The following MIX23 variants were observed in gnomAD, a reference collection of about 807,000 sequenced individuals.
MIX23 encodes the protein protein MIX23.
Under a neutral mutation model 21.6 loss-of-function variants are expected in MIX23, and 13 were observed. The ratio of observed to expected loss-of-function variants is 0.60; its 90% CI spans 0.39 to 0.96. The LOEUF is 0.96. Among genes scored for constraint, MIX23 ranks in the 40% least tolerant of loss-of-function variants. The probability of loss-of-function intolerance (pLI) is 0.00; values close to 1 mark genes in which losing one functional copy is unlikely to be tolerated. For missense variants in MIX23, 144 were observed against 171.2 expected, an observed-to-expected ratio of 0.84 and a Z score of 0.89; for synonymous variants, 59 against 58.0, an observed-to-expected ratio of 1.02 and a Z score of -0.08.
chr3:122,382,553 T>C (rs532325097), intron 1 of MIX23, among the ~76,000 whole-genome samples: 1 of 152,234 alleles, frequency 6.6e-6, no homozygotes, highest in African/African-American at 2.4e-5. Context: ...ATAACTTTAA[T>C]GGCAACTTGG....
intron 2 of MIX23, 48 bp downstream of exon 2, chr3:122,371,627 T>C: frequency 6.3e-7 from 1 of 1,598,688 alleles, no homozygotes; most frequent in Non-Finnish European, 8.6e-7. Context: ...TTATTCAGCC[T>C]GCAAAGAAAG....
chr3:122,359,862 TCTC>T lies in MIX23; in HGVS notation c.*4_*6del. 1.3e-6 allele frequency: 1 copy of T among 745,056 alleles called. No individual in the cohort carries two copies. Among genetic ancestry groups the T allele is most frequent in the East Asian group, 4.6e-5 (1 of 21,536 alleles). 46.2% of individuals were successfully genotyped at this position (745,056 alleles called of 1,614,324 possible). ...AAAAAAAAAAAAAAAAAAAAAAGAA[TCTC>T]TCTTTATTCATTCTTTGGAGGCTTG... On this transcript the variant is annotated 3_prime_UTR_variant, in exon 5 of 5. Coordinates refer to ENST00000291458, the MANE Select transcript of MIX23 (RefSeq NM_001017928.4).
At position 122,368,115 on chromosome 3, in the gene MIX23, T is replaced by C; in HGVS notation, c.324+61A>G. The C allele has an allele frequency of 3.9e-6, 6 of 1,533,430 alleles. No homozygotes were observed. In the Admixed American group the frequency reaches 1.1e-4, roughly 28 times the overall value. The allele number at this position is 1,533,430 out of a possible 1,614,324, so 95.0% of individuals were successfully genotyped here. ...GCCAAAATTTTCATATTAAAAATCTTACTTTGAAGGCTACAATTGGAAAAA... is the reference window on the plus strand; with the variant it reads ...GCCAAAATTTTCATATTAAAAATCTCACTTTGAAGGCTACAATTGGAAAAA... On this transcript the variant is annotated intron_variant, in intron 3 of 4. Transcript: ENST00000291458.
At chr3:122,362,851 G>C in intron 4 of MIX23, 117 bp downstream of exon 4, 1 of 524,186 alleles carries the variant, frequency 1.9e-6, no homozygotes. Flanking sequence ...AAATGTAAAC[G>C]AGTGATCTCT....
intron 2 of MIX23, among the ~76,000 whole-genome samples, chr3:122,370,692 T>C (rs766396737): frequency 6.6e-6 from 1 of 152,078 alleles, no homozygotes; most frequent in Non-Finnish European, 1.5e-5. Context: ...TGACCATAAA[T>C]TCTAGTTCTT....
At chr3:122,362,854 T>A in intron 4 of MIX23, 114 bp downstream of exon 4, 2 of 491,714 alleles carry the variant, frequency 4.1e-6, no homozygotes, top group Non-Finnish European at 7.0e-6. Flanking sequence ...TGTAAACGAG[T>A]GATCTCTACT....
intron 3 of MIX23, among the ~76,000 whole-genome samples, chr3:122,367,024 T>A (rs1484038973): frequency 6.6e-6 from 1 of 152,072 alleles, no homozygotes; most frequent in African/African-American, 2.4e-5. Flanking sequence ...CTAATGAGTT[T>A]AAGGGTAAAG....
Position 122,371,594 on chromosome 3 carries a change from C to T in MIX23, c.177+81G>A, listed in dbSNP as rs773439822. 27 of 1,469,998 alleles carry T rather than the reference C, an allele frequency of 1.8e-5. No individual in the cohort carries two copies. The East Asian group carries it at 3.2e-4, about 17-fold the overall frequency. 91.1% of individuals were successfully genotyped at this position (1,469,998 alleles called of 1,614,324 possible). On this transcript the variant is annotated intron_variant, in intron 2 of 4. Transcript: ENST00000291458. ...AAGATGTCATTCCTTTAGTCACAGTCGAGTTACAAGATAACTGATTTCTTA... is the reference window on the plus strand; with the variant it reads ...AAGATGTCATTCCTTTAGTCACAGTTGAGTTACAAGATAACTGATTTCTTA...
chr3:122,380,211 C>T (rs59344080), intron 1 of MIX23, among the ~76,000 whole-genome samples: 2,562 of 152,194 alleles, frequency 0.017, 59 homozygotes, highest in East Asian at 0.088. Flanking sequence ...TTAACCTTTC[C>T]TCTCCTCTCC....
chr3:122,369,073 T>C (rs1185905172), intron 2 of MIX23, among the ~76,000 whole-genome samples: 1 of 152,248 alleles, frequency 6.6e-6, no homozygotes, highest in African/African-American at 2.4e-5. Context: ...GTTTCAAACA[T>C]ACTTCCATAA....
chr3:122,371,650 C>A (rs1559992127), intron 2 of MIX23, 25 bp downstream of exon 2: 2 of 1,610,564 alleles, frequency 1.2e-6, no homozygotes, highest in Non-Finnish European at 1.7e-6. Flanking sequence ...ATGAAAGAAG[C>A]AAAAGACTCA....
chr3:122,363,256 C>A (rs2075372787), intron 3 of MIX23, among the ~76,000 whole-genome samples: 1 of 152,040 alleles, frequency 6.6e-6, no homozygotes, highest in African/African-American at 2.4e-5. Flanking sequence ...ATCCTAATCA[C>A]CTTGAGAGCT....
chr3:122,383,141 C>A (rs2075548708), intron 1 of MIX23, 33 bp downstream of exon 1: 2 of 1,613,524 alleles, frequency 1.2e-6, no homozygotes, highest in African/African-American at 2.7e-5. Flanking sequence ...CAAAAGGAGG[C>A]ACATGCCTGC....
At chr3:122,379,439 A>G (rs1393173775) in intron 1 of MIX23, among the ~76,000 whole-genome samples, 1 of 152,222 alleles carries the variant, frequency 6.6e-6, no homozygotes, top group Non-Finnish European at 1.5e-5. Context: ...CAAAGCTGTT[A>G]AGGCAACTCC....
At position 122,359,999 on chromosome 3, in the gene MIX23, C is replaced by G. The variant is rs1048959441; in HGVS notation, c.385-80G>C. 7 of 1,309,116 alleles carry G rather than the reference C, an allele frequency of 5.3e-6. No individual in the cohort carries two copies. The Admixed American group carries it at 1.6e-4, about 30-fold the overall frequency. The allele number at this position is 1,309,116 out of a possible 1,614,324, so 81.1% of individuals were successfully genotyped here. On this transcript the variant is annotated intron_variant, in intron 4 of 4. Transcript: ENST00000291458. The stretch of plus-strand genomic sequence containing the variant: ...CTGGAACTAAATTCAATTTAGTAGG[C>G]TCCAAAAGGCTATTACCATTTTTGT...
Position 122,371,733 on chromosome 3 carries a change from G to C in MIX23, c.119C>G (p.Thr40Arg). ...IVHELNTTVPTASFAGKIDAS... is the reference protein window; with the variant it reads ...IVHELNTTVPRASFAGKIDAS... ...ATCAATTTTCCCTGCAAAGGAAGCTGTTGGAACCGTAGTGTTTAATTCATG... is the reference window on the plus strand; with the variant it reads ...ATCAATTTTCCCTGCAAAGGAAGCTCTTGGAACCGTAGTGTTTAATTCATG... The change falls in exon 2 of 5, where the codon ACA (threonine) becomes AGA (arginine). Residue 40 changes from threonine (T) to arginine (R), a missense_variant. Physicochemically the swap from Thr to Arg is moderately conservative, Grantham distance 71 (BLOSUM62 -1). Transcript: ENST00000291458. The C allele has an allele frequency of 1.2e-6, 2 of 1,612,144 alleles. No individual in the cohort carries two copies. Among genetic ancestry groups the C allele is most frequent in the Non-Finnish European group, 1.7e-6 (2 of 1,178,940 alleles).
intron 1 of MIX23, among the ~76,000 whole-genome samples, chr3:122,379,830 T>C (rs115153864): frequency 0.018 from 2,674 of 152,338 alleles, 48 homozygotes; most frequent in Non-Finnish European, 0.029. Flanking sequence ...TCTTCTATCT[T>C]TCATCCTCCT....
At chr3:122,381,217 C>T (rs551468898) in intron 1 of MIX23, among the ~76,000 whole-genome samples, 5 of 152,238 alleles carry the variant, frequency 3.3e-5, no homozygotes, top group South Asian at 4.1e-4. Flanking sequence ...ACTTAGATTA[C>T]GTTCCTTGTT....
intron 1 of MIX23, among the ~76,000 whole-genome samples, chr3:122,372,481 A>G (rs979569994): frequency 6.6e-6 from 1 of 152,134 alleles, no homozygotes; most frequent in Non-Finnish European, 1.5e-5. Flanking sequence ...TATTCAAACA[A>G]GAACAAGAAC....
Sources: allele counts gnomAD v4.1 joint callset (sites outside exome capture counted in the v4.1 genomes callset), GRCh38; gene constraint gnomAD v4.1.1; transcripts MANE v1.5; gene names NCBI Gene and HGNC (gene_info 2026-07-23, HGNC 2026-07-21).